The following TADA3 variants were observed in gnomAD, a reference collection of about 807,000 sequenced individuals.
The protein encoded by TADA3 is transcriptional adapter 3.
A neutral mutation model predicts 43.2 loss-of-function variants in TADA3; 25 were observed. The ratio of observed to expected loss-of-function variants is 0.58; its 90% CI spans 0.42 to 0.81. TADA3 has a LOEUF of 0.81. TADA3 is among the 30% of genes least tolerant of loss of function. The pLI, the probability that TADA3 is intolerant of heterozygous loss-of-function variation, is 0.00. For missense variants in TADA3, 441 were observed against 567.8 expected, an observed-to-expected ratio of 0.78 and a Z score of 2.27; for synonymous variants, 235 against 225.5, an observed-to-expected ratio of 1.04 and a Z score of -0.38.
In TADA3 at chr3:9,789,881, T is replaced by G. The variant is rs749798773; in HGVS notation, c.290A>C (p.Lys97Thr). 6.2e-7 allele frequency: 1 copy of G among 1,614,250 alleles called. No homozygotes were observed. The highest frequency in any genetic ancestry group is 8.5e-7 in the Non-Finnish European group (1 of 1,180,040). Residue 97 changes from lysine to threonine, a missense_variant, in exon 3 of 9, where the codon AAA (lysine) becomes ACA (threonine). Lys to Thr is a moderately conservative substitution (Grantham distance 78, BLOSUM62 -1). Transcript: ENST00000301964. ...GRDHELGAPP[K>T]HGKPKKQKLE... ...TTTCTGCTTCTTGGGCTTCCCATGT[T>G]TGGGGGGAGCTCCAAGTTCATGGTC...
At chr3:9,790,668 T>G (rs1485953905) in intron 2 of TADA3, among the ~76,000 whole-genome samples, 1 of 152,108 alleles carries the variant, frequency 6.6e-6, no homozygotes, top group Non-Finnish European at 1.5e-5. Context: ...ACATCTGAAG[T>G]ACTTACTTAG....
chr3:9,789,896 A>C lies in TADA3; in HGVS notation c.275T>G (p.Leu92Arg), dbSNP rs1011618269. Residue 92 changes from leucine to arginine, a missense_variant, in exon 3 of 9, where the codon CTT becomes CGT. By Grantham distance (102) the Leu-to-Arg change is moderately radical (BLOSUM62 -2). Coordinates refer to ENST00000301964, the MANE Select transcript of TADA3 (RefSeq NM_006354.5). ...RFLKLGRDHE[L>R]GAPPKHGKPK... ...CTTCCCATGTTTGGGGGGAGCTCCA[A>C]GTTCATGGTCTCGACCCAGCTTCAG... 1.9e-6 allele frequency: 3 copies of C among 1,614,164 alleles called. No homozygotes were observed.
Position 9,787,186 on chromosome 3 carries a change from G to T in TADA3, c.706+13C>A, listed in dbSNP as rs774153266. Reference sequence around the variant, plus strand: ...GTCCTGACCTGGGGTTGGCAGGGAGGTGAGAGGCCTACCTTTAGTGTCCAG... The same window carrying T: ...GTCCTGACCTGGGGTTGGCAGGGAGTTGAGAGGCCTACCTTTAGTGTCCAG... On this transcript the variant is annotated intron_variant, in intron 5 of 8. Transcript: ENST00000301964. 3 of 1,614,218 alleles carry T rather than the reference G, an allele frequency of 1.9e-6. No homozygotes were observed. Among genetic ancestry groups the T allele is most frequent in the Non-Finnish European group, 2.5e-6 (3 of 1,180,048 alleles).
At chr3:9,791,548 G>A (rs2125629303) in intron 1 of TADA3, 55 bp from the exon 2 acceptor site, 2 of 1,118,762 alleles carry the variant, frequency 1.8e-6, no homozygotes, top group East Asian at 2.5e-5. Flanking sequence ...AAAGCCCAAG[G>A]GCTTCTTACC....
rs763259981 is a variant in TADA3 at position 9,787,315 on chromosome 3, G to C, written c.590C>G (p.Ser197Cys). The C allele has an allele frequency of 9.9e-6, 16 of 1,613,454 alleles. No individual in the cohort carries two copies. Among genetic ancestry groups the C allele is most frequent in the Non-Finnish European group, 1.2e-5 (14 of 1,179,692 alleles). Residue 197 changes from serine to cysteine, a missense_variant, in exon 5 of 9, where the codon TCC becomes TGC. Transcript: ENST00000301964. ...CAGGTCCTCCTGGGCCCAGCGCTGG[G>C]AGTAGTGCTTCCCCAGGGGTGGGAT... Reference protein sequence around the residue: ...YKIPPLGKHYSQRWAQEDLLE... With the variant: ...YKIPPLGKHYCQRWAQEDLLE...
intron 6 of TADA3, among the ~76,000 whole-genome samples, chr3:9,785,896 C>T (rs2078596025): frequency 1.3e-5 from 2 of 151,636 alleles, no homozygotes; most frequent in South Asian, 4.1e-4. Context: ...CATAGCTAGG[C>T]ATGGGCCAAA....
intron 4 of TADA3, chr3:9,787,586 A>G: frequency 9.7e-7 from 1 of 1,034,850 alleles, no homozygotes; most frequent in Non-Finnish European, 1.4e-6. Context: ...CCCAAGATAG[A>G]AGGTGCAGAA....
intron 4 of TADA3, chr3:9,788,089 G>A (rs931412525): frequency 2.7e-5 from 6 of 226,222 alleles, no homozygotes; most frequent in East Asian, 1.1e-4. Context: ...TGTAGATAAC[G>A]GGAGGAAGAA....
intron 2 of TADA3, among the ~76,000 whole-genome samples, chr3:9,790,605 G>A (rs1401490427): frequency 1.3e-5 from 2 of 152,216 alleles, no homozygotes; most frequent in Non-Finnish European, 2.9e-5. Context: ...TGGCACACAA[G>A]GCTCAAGGCA....
At chr3:9,783,934 T>C in intron 8 of TADA3, 94 bp downstream of exon 8, 2 of 1,449,634 alleles carry the variant, frequency 1.4e-6, no homozygotes. Flanking sequence ...CCAGCCAGGA[T>C]TGGAAAGCCT....
chr3:9,780,736 T>C (rs1356884599), intron 8 of TADA3, among the ~76,000 whole-genome samples, 187 bp from the exon 9 acceptor site: 1 of 152,214 alleles, frequency 6.6e-6, no homozygotes, highest in Non-Finnish European at 1.5e-5. Flanking sequence ...TGAAAAATAT[T>C]AACTCATGTT....
rs574551301 is a variant in TADA3 at position 9,780,398 on chromosome 3, G to A, written c.1258C>T (p.Leu420=). ...KKEKDQAWKT[L]KERESILKLL... ...TTCAGGATGCTCTCACGCTCCTTCAGAGTCTTCCAGGCCTGGTCCTTTTCT... is the reference window on the plus strand; with the variant it reads ...TTCAGGATGCTCTCACGCTCCTTCAAAGTCTTCCAGGCCTGGTCCTTTTCT... Residue 420 remains leucine (L), a synonymous_variant, in exon 9 of 9, where the codon CTG becomes TTG. Transcript: ENST00000301964. The A allele has an allele frequency of 4.3e-6, 7 of 1,613,562 alleles. No homozygotes were observed. In the Admixed American group the frequency reaches 1.0e-4, roughly 23 times the overall value.
chr3:9,791,820 C>G (rs1020487201), intron 1 of TADA3, among the ~76,000 whole-genome samples: 1 of 146,268 alleles, frequency 6.8e-6, no homozygotes, highest in Non-Finnish European at 1.5e-5. Flanking sequence ...AGTCTTGAGT[C>G]TGCACCCTGA....
intron 2 of TADA3, 54 bp downstream of exon 2, chr3:9,791,206 C>A: frequency 6.4e-7 from 1 of 1,554,556 alleles, no homozygotes; most frequent in Non-Finnish European, 8.8e-7. Context: ...AATGACCCAT[C>A]CCATAACTTG....
chr3:9,787,433 A>C, intron 4 of TADA3, 93 bp from the exon 5 acceptor site: 1 of 1,491,306 alleles, frequency 6.7e-7, no homozygotes, highest in Non-Finnish European at 8.9e-7. Flanking sequence ...TATCTCTCTC[A>C]AGTCCCTAGT....
chr3:9,786,978 G>A (rs374618568), intron 6 of TADA3, 28 bp downstream of exon 6: 4 of 1,575,064 alleles, frequency 2.5e-6, no homozygotes, highest in South Asian at 2.2e-5. Context: ...AAGTAAATAT[G>A]GTTCCTCTTT....
intron 2 of TADA3, among the ~76,000 whole-genome samples, chr3:9,790,391 A>C (rs1469070411): frequency 6.6e-6 from 1 of 152,204 alleles, no homozygotes; most frequent in Non-Finnish European, 1.5e-5. Context: ...GGACAAGTTA[A>C]TTCCATTCAT....
chr3:9,791,617 C>T, intron 1 of TADA3, 124 bp from the exon 2 acceptor site: 3 of 603,126 alleles, frequency 5.0e-6, no homozygotes, highest in Middle Eastern at 3.9e-4. Context: ...ATTGATGGCA[C>T]AGTTCCTACT....
intron 8 of TADA3, chr3:9,783,324 T>G (rs1367099946): frequency 6.6e-6 from 1 of 151,846 alleles, no homozygotes; most frequent in Non-Finnish European, 1.5e-5. Flanking sequence ...AAATTTTTTT[T>G]CTTTTTTTTT....
Sources: gnomAD v4.1 joint callset for allele counts (sites outside exome capture counted in the v4.1 genomes callset) on GRCh38, gnomAD v4.1.1 for gene constraint, MANE v1.5 for transcripts, NCBI Gene and HGNC (gene_info 2026-07-23, HGNC 2026-07-21) for gene names.